CDK6: variants seen among roughly 807,000 people sequenced by gnomAD.
The protein encoded by CDK6 is cyclin-dependent kinase 6.
CDK6 carries 6 observed loss-of-function variants against 37.1 expected under a neutral mutation model. The ratio of observed to expected loss-of-function variants is 0.16; its 90% CI spans 0.09 to 0.32. The LOEUF (loss-of-function observed/expected upper bound fraction) is 0.32. Among genes scored for constraint, CDK6 ranks in the 10% least tolerant of loss-of-function variants. CDK6 has a pLI of 1.00. For synonymous variants in CDK6, 160 were observed against 161.3 expected (o/e 0.99, Z 0.06); for missense variants, 224 against 418.9 (o/e 0.53, Z 4.06).
chr7:92,679,191 T>C (rs1272400224), intron 4 of CDK6, among the ~76,000 whole-genome samples: 4 of 152,220 alleles, frequency 2.6e-5, no homozygotes, highest in Non-Finnish European at 4.4e-5. Flanking sequence ...ATCCTGTTTA[T>C]AGATGGAGAA....
At chr7:92,802,693 T>C (rs1800613188) in intron 2 of CDK6, among the ~76,000 whole-genome samples, 1 of 152,236 alleles carries the variant, frequency 6.6e-6, no homozygotes, top group African/African-American at 2.4e-5. Context: ...AATGCACTAC[T>C]TTTTGCATGC....
intron 1 of CDK6, among the ~76,000 whole-genome samples, chr7:92,836,215 G>T (rs2116049161): frequency 7.1e-6 from 1 of 140,514 alleles, no homozygotes; most frequent in South Asian, 2.4e-4. Context: ...TCGGTGTCGC[G>T]GGTGTCCCTA....
At chr7:92,797,548 T>A (rs922124949) in intron 2 of CDK6, among the ~76,000 whole-genome samples, 7 of 152,166 alleles carry the variant, frequency 4.6e-5, no homozygotes, top group Non-Finnish European at 8.8e-5. Context: ...ATTGGCTCCC[T>A]ATGTTTGGGC....
rs1008977443 is a variant in CDK6, at chr7:92,700,188, C to A, written c.537+25438G>T. 4.6e-5 allele frequency among the ~76,000 whole-genome samples: 7 copies of A among 152,208 alleles called. No individual in the cohort carries two copies. In the East Asian group the frequency reaches 7.7e-4, roughly 17 times the overall value. ...AAACTGCATGGACCAGATAACAGGA[C>A]CCCAAGTGTTACTTGACAGAGCTAG... On this transcript the variant is annotated intron_variant, in intron 4 of 7. Coordinates refer to ENST00000424848, the MANE Select transcript of CDK6 (RefSeq NM_001145306.2).
rs150339578 is a variant in CDK6, at chr7:92,748,820, C to T, written c.370-23027G>A. Among the ~76,000 whole-genome samples, 9 of 152,302 alleles carry T rather than the reference C, an allele frequency of 5.9e-5. No homozygotes were observed. In the East Asian group the frequency reaches 1.7e-3, roughly 29 times the overall value. ...CAAATATATGACTACTCATATCCCA[C>T]TCCCATTCCCCATCCACACCTATAG... On this transcript the variant is annotated intron_variant, in intron 3 of 7. Transcript: ENST00000424848.
chr7:92,762,140 C>T (rs74542440), intron 3 of CDK6, among the ~76,000 whole-genome samples: 7,861 of 152,174 alleles, frequency 0.052, 676 homozygotes, highest in African/African-American at 0.18. Context: ...TTGCTATGAT[C>T]AGAGTAATAA....
chr7:92,787,396 C>T (rs1309619036), intron 2 of CDK6, among the ~76,000 whole-genome samples: 1 of 152,020 alleles, frequency 6.6e-6, no homozygotes, highest in Non-Finnish European at 1.5e-5. Flanking sequence ...TACTTTTCTT[C>T]AATCTGTTCC....
At chr7:92,639,011 T>C (rs1365221334) in intron 5 of CDK6, among the ~76,000 whole-genome samples, 3 of 152,224 alleles carry the variant, frequency 2.0e-5, no homozygotes, top group African/African-American at 7.2e-5. Context: ...ATGCTTCAGC[T>C]ACACTGTGTT....
At chr7:92,692,263 C>CA (rs112991609) in intron 4 of CDK6, among the ~76,000 whole-genome samples, 23 of 138,138 alleles carry the variant, frequency 1.7e-4, no homozygotes, top group South Asian at 9.3e-4. Context: ...AACTCCGTCT[C>CA]AAAAAAGAAA....
At chr7:92,646,727 G>A (rs948447181) in intron 5 of CDK6, among the ~76,000 whole-genome samples, 1 of 151,986 alleles carries the variant, frequency 6.6e-6, no homozygotes, top group East Asian at 1.9e-4. Context: ...AAGAATATTT[G>A]CTCATTCATT....
At chr7:92,820,293 G>A (rs1396184784) in intron 2 of CDK6, among the ~76,000 whole-genome samples, 1 of 152,096 alleles carries the variant, frequency 6.6e-6, no homozygotes, top group Non-Finnish European at 1.5e-5. Context: ...GACTCCATCA[G>A]CTTCATAGGG....
At chr7:92,723,767 A>G (rs1229309472) in intron 4 of CDK6, among the ~76,000 whole-genome samples, 1 of 152,150 alleles carries the variant, frequency 6.6e-6, no homozygotes, top group East Asian at 1.9e-4. Context: ...TATAAACTAG[A>G]TACTGAAAAA....
chr7:92,721,642 T>C (rs1049219615), intron 4 of CDK6, among the ~76,000 whole-genome samples: 16 of 152,304 alleles, frequency 1.1e-4, no homozygotes, highest in African/African-American at 3.4e-4. Flanking sequence ...CTGGCAAAGT[T>C]AGGCAAAAGA....
intron 4 of CDK6, among the ~76,000 whole-genome samples, chr7:92,683,952 C>A (rs754000047): frequency 1.3e-5 from 2 of 152,132 alleles, no homozygotes; most frequent in Non-Finnish European, 2.9e-5. Flanking sequence ...TACTGTGGGG[C>A]CTTGTAATGT....
chr7:92,712,160 A>AG (rs1415999178), intron 4 of CDK6, among the ~76,000 whole-genome samples: 1 of 126,530 alleles, frequency 7.9e-6, no homozygotes, highest in African/African-American at 4.2e-5. Context: ...ACTCCGTCCC[A>AG]AAAAAAAAAA....
chr7:92,633,905 T>C (rs10242057), intron 5 of CDK6, among the ~76,000 whole-genome samples: 10,907 of 152,182 alleles, frequency 0.072, 1,331 homozygotes, highest in African/African-American at 0.25. Flanking sequence ...GGTGTGCTAG[T>C]GGCTTTCCAA....
At chr7:92,798,510 A>G (rs1455847336) in intron 2 of CDK6, among the ~76,000 whole-genome samples, 2 of 152,228 alleles carry the variant, frequency 1.3e-5, no homozygotes, top group Non-Finnish European at 2.9e-5. Context: ...AAGCCCAGTT[A>G]GCACACTAAT....
intron 5 of CDK6, among the ~76,000 whole-genome samples, chr7:92,628,790 T>G (rs187814680): frequency 6.6e-6 from 1 of 152,164 alleles, no homozygotes; most frequent in Admixed American, 6.6e-5. Context: ...TAATGTGTAT[T>G]TAAAAACTGG....
At chr7:92,677,984 C>G (rs1221338517) in intron 4 of CDK6, among the ~76,000 whole-genome samples, 1 of 152,218 alleles carries the variant, frequency 6.6e-6, no homozygotes, top group African/African-American at 2.4e-5. Context: ...TGATGGAAGA[C>G]TGCTGAACTT....
Sources: allele counts gnomAD v4.1 joint callset (sites outside exome capture counted in the v4.1 genomes callset), GRCh38; gene constraint gnomAD v4.1.1; transcripts MANE v1.5; gene names NCBI Gene and HGNC (gene_info 2026-07-23, HGNC 2026-07-21).